AKAP13: variants seen among roughly 807,000 people sequenced by gnomAD.
The protein encoded by AKAP13 is A-kinase anchoring protein 13, also known as A-kinase anchor protein 13.
Under a neutral mutation model 264.5 loss-of-function variants are expected in AKAP13, and 80 were observed. The ratio of observed to expected loss-of-function variants is 0.30; its 90% confidence interval spans 0.25 to 0.36. AKAP13 has a LOEUF of 0.36. AKAP13 is among the 10% of genes least tolerant of loss of function. AKAP13 has a pLI of 1.00. For synonymous variants in AKAP13, 1,380 were observed against 1,250.2 expected, an observed-to-expected ratio of 1.10 and a Z score of -2.19; for missense variants, 3,712 against 3,435.2, an observed-to-expected ratio of 1.08 and a Z score of -2.01.
Position 85,458,396 on chromosome 15 carries a change from T to TTTTG in AKAP13, c.-11-27311_-11-27310insGTTT, listed in dbSNP as rs1299916464. 3.9e-3 allele frequency among the ~76,000 whole-genome samples: 574 copies of TTTTG among 148,022 alleles called. 3 individuals carry two copies. The highest frequency in any genetic ancestry group is 0.011 in the African/African-American group (453 of 40,156). ...TTTTTTGTATTTTTTGTTTTTTGTTTTTTTTTTTTTTTACTATATATGTAT... is the reference window on the plus strand; with the variant it reads ...TTTTTTGTATTTTTTGTTTTTTGTTTTTTGTTTTTTTTTTTTACTATATATGTAT... On this transcript the variant is annotated intron_variant, in intron 1 of 36. Transcript: ENST00000394518.
chr15:85,582,270 A>G (rs753709407), intron 7 of AKAP13, among the ~76,000 whole-genome samples, 163 bp downstream of exon 7: 4 of 152,152 alleles, frequency 2.6e-5, no homozygotes, highest in Non-Finnish European at 5.9e-5. Flanking sequence ...GGGGCACGTC[A>G]TCTCAGGGTT....
At chr15:85,583,518 A>T (rs951269538) in intron 7 of AKAP13, among the ~76,000 whole-genome samples, 15 of 152,270 alleles carry the variant, frequency 9.9e-5, no homozygotes, top group South Asian at 8.3e-4. Context: ...TCTAATTTTT[A>T]AAAAAAGCCA....
At chr15:85,444,023 A>T (rs1480924694) in intron 1 of AKAP13, among the ~76,000 whole-genome samples, 1 of 152,172 alleles carries the variant, frequency 6.6e-6, no homozygotes, top group African/African-American at 2.4e-5. Flanking sequence ...CCTGATTGAC[A>T]TCTGCTGGCA....
chr15:85,611,782 C>G (rs942034048), intron 8 of AKAP13, among the ~76,000 whole-genome samples: 2 of 152,224 alleles, frequency 1.3e-5, no homozygotes, highest in African/African-American at 4.8e-5. Context: ...TCCTTTGTCT[C>G]TGTGCTCTTT....
Position 85,664,851 on chromosome 15 carries a change from AT to A in AKAP13, c.4992+98del, listed in dbSNP as rs2083504743. 3 of 1,146,648 alleles carry A rather than the reference AT, an allele frequency of 2.6e-6. No individual in the cohort carries two copies. The East Asian group carries it at 7.6e-5, about 29-fold the overall frequency. The allele number at this position is 1,146,648 out of a possible 1,614,324, so 71.0% of individuals were successfully genotyped here. Reference sequence around the variant, plus strand: ...TGGTAGTATAAGGCTAGTAGCTATGATTACTTACCCATTATATGATATACTT... The same window carrying A: ...TGGTAGTATAAGGCTAGTAGCTATGATACTTACCCATTATATGATATACTT... On this transcript the variant is annotated intron_variant, in intron 13 of 36. Transcript: ENST00000394518.
At chr15:85,492,571 C>G (rs572958616) in intron 2 of AKAP13, among the ~76,000 whole-genome samples, 31 of 152,270 alleles carry the variant, frequency 2.0e-4, no homozygotes, top group African/African-American at 7.5e-4. Flanking sequence ...GCATATATTT[C>G]CTAAGAATGA....
chr15:85,428,397 C>G (rs1470670798), intron 1 of AKAP13, among the ~76,000 whole-genome samples: 3 of 152,206 alleles, frequency 2.0e-5, no homozygotes, highest in African/African-American at 7.2e-5. Flanking sequence ...TGGGGTTTCT[C>G]CATGTTGGTC....
At chr15:85,392,197 AT>A (rs56004924) in intron 1 of AKAP13, among the ~76,000 whole-genome samples, 71,445 of 139,198 alleles carry the variant, frequency 0.51, 17,824 homozygotes, top group Admixed American at 0.59. Context: ...TACTTATTCC[AT>A]TTTTTTTTTT....
In AKAP13 at chr15:85,432,454, G is replaced by A. The variant is rs553299127; in HGVS notation, c.-12+51656G>A. Among the ~76,000 whole-genome samples, 4 of 151,956 alleles carry A rather than the reference G, an allele frequency of 2.6e-5. No individual in the cohort carries two copies. The East Asian group carries it at 5.8e-4, about 22-fold the overall frequency. ...TTGTAAAATACGGGAGAATTCTACT[G>A]AATTCCCTCTTAGAGCATCATTCAG... On this transcript the variant is annotated intron_variant, in intron 1 of 36. Transcript: ENST00000394518.
chr15:85,492,520 A>G (rs1321340084), intron 2 of AKAP13, among the ~76,000 whole-genome samples: 1 of 152,228 alleles, frequency 6.6e-6, no homozygotes. Context: ...TAGTCATTTG[A>G]AAGTTGCAAA....
chr15:85,420,830 A>T (rs8040661), intron 1 of AKAP13, among the ~76,000 whole-genome samples: 15 of 152,226 alleles, frequency 9.9e-5, no homozygotes, highest in African/African-American at 3.6e-4. Flanking sequence ...TACATTAAAA[A>T]TGAGAATACT....
intron 8 of AKAP13, among the ~76,000 whole-genome samples, chr15:85,622,337 G>A (rs1197367930): frequency 2.6e-5 from 4 of 152,188 alleles, no homozygotes; most frequent in African/African-American, 4.8e-5. Flanking sequence ...AAAGACACTA[G>A]CTATGCTAAG....
At chr15:85,547,030 C>T (rs995767811) in intron 5 of AKAP13, among the ~76,000 whole-genome samples, 2 of 152,194 alleles carry the variant, frequency 1.3e-5, no homozygotes, top group Admixed American at 6.5e-5. Context: ...GCGTGAGCCA[C>T]CGCGCCCAGC....
At chr15:85,506,267 G>T (rs770168051) in intron 2 of AKAP13, among the ~76,000 whole-genome samples, 1 of 152,196 alleles carries the variant, frequency 6.6e-6, no homozygotes, top group South Asian at 2.1e-4. Flanking sequence ...CTGGGCAACA[G>T]AGCGGGACTC....
At chr15:85,704,393 C>A (rs560831544) in intron 17 of AKAP13, among the ~76,000 whole-genome samples, 1 of 151,900 alleles carries the variant, frequency 6.6e-6, no homozygotes, top group Admixed American at 6.6e-5. Flanking sequence ...ATTTTTCTTC[C>A]GAAAGATAAA....
At chr15:85,631,172 A>AT (rs1335896550) in intron 8 of AKAP13, among the ~76,000 whole-genome samples, 1 of 152,234 alleles carries the variant, frequency 6.6e-6, no homozygotes, top group Non-Finnish European at 1.5e-5. Context: ...AGAACCCAGC[A>AT]TGAAAGACCA....
At chr15:85,538,838 ATT>A (rs148443065) in intron 4 of AKAP13, among the ~76,000 whole-genome samples, 2 of 123,282 alleles carry the variant, frequency 1.6e-5, no homozygotes. Flanking sequence ...GTGTTTGTGT[ATT>A]TTTTTTTTTT....
rs71468134 is a variant in AKAP13, at chr15:85,730,997, CTTTTTTTTTTTTT to C, written c.7282+302_7282+314del. Among the ~76,000 whole-genome samples the C allele has an allele frequency of 1.2e-4, 7 of 57,420 alleles. No individual in the cohort carries two copies. The South Asian group carries it at 2.5e-3, about 21-fold the overall frequency. The allele number at this position is 57,420 out of a possible 152,430, so 37.7% of individuals were successfully genotyped here. A position where few individuals can be genotyped will look rare whatever the true frequency, so the allele number is the denominator to read the frequency against. On this transcript the variant is annotated intron_variant, in intron 30 of 36. Transcript: ENST00000394518. ...ACTGTTTTTTAATTAGTCACTTATG[CTTTTTTTTTTTTT>C]TTTTTTTTTTTGGCAGGATCTTGCT...
intron 8 of AKAP13, among the ~76,000 whole-genome samples, chr15:85,602,820 A>C (rs2080150352): frequency 6.6e-6 from 1 of 152,212 alleles, no homozygotes; most frequent in Non-Finnish European, 1.5e-5. Flanking sequence ...TTACTCATGC[A>C]TAATTTTGTA....
Sources: allele counts gnomAD v4.1 joint callset (sites outside exome capture counted in the v4.1 genomes callset), GRCh38; gene constraint gnomAD v4.1.1; transcripts MANE v1.5; gene names NCBI Gene and HGNC (gene_info 2026-07-23, HGNC 2026-07-21).